Variants in RAB3C observed in about 807,000 individuals in gnomAD.
RAB3C encodes RAB3C, member RAS oncogene family.
RAB3C carries 17 observed loss-of-function variants against 26.4 expected under a neutral mutation model. The ratio of observed to expected loss-of-function variants is 0.64; its 90% CI spans 0.44 to 0.97. RAB3C has a LOEUF of 0.97. Among genes scored for constraint, RAB3C ranks in the 50% least tolerant of loss-of-function variants. RAB3C has a pLI of 0.00. For synonymous variants in RAB3C, 91 were observed against 95.9 expected (o/e 0.95, Z 0.30); for missense variants, 242 against 281.9 (o/e 0.86, Z 1.01).
At chr5:58,661,981 C>G (rs1029728172) in intron 2 of RAB3C, among the ~76,000 whole-genome samples, 2 of 150,062 alleles carry the variant, frequency 1.3e-5, no homozygotes, top group African/African-American at 5.1e-5. Flanking sequence ...CTTAATCCTT[C>G]TCACTGCTCA....
Position 58,857,731 on chromosome 5 carries a change from T to C in RAB3C, c.*6380T>C, listed in dbSNP as rs1211836437. 1.3e-5 allele frequency: 2 copies of C among 152,204 alleles called. No individual in the cohort carries two copies. The highest frequency in any genetic ancestry group is 4.8e-5 in the African/African-American group (2 of 41,458). The allele number at this position is 152,204 out of a possible 1,614,324, so 9.4% of individuals were successfully genotyped here. ...TTCTCAGTTGTCCACACTGGTGATATAAGAGGAACAAATCAGAATCATTAA... is the reference window on the plus strand; with the variant it reads ...TTCTCAGTTGTCCACACTGGTGATACAAGAGGAACAAATCAGAATCATTAA... On this transcript the variant is annotated 3_prime_UTR_variant, in exon 5 of 5. Coordinates refer to ENST00000282878, the MANE Select transcript of RAB3C (RefSeq NM_138453.4).
At chr5:58,624,563 C>T (rs1747013172) in intron 2 of RAB3C, among the ~76,000 whole-genome samples, 1 of 152,148 alleles carries the variant, frequency 6.6e-6, no homozygotes, top group South Asian at 2.1e-4. Context: ...CTAAAGCCCA[C>T]TTGGAAGGTA....
chr5:58,656,002 G>A lies in RAB3C; in HGVS notation c.252+38132G>A, dbSNP rs557239777. Among the ~76,000 whole-genome samples, 6 of 151,838 alleles carry A rather than the reference G, an allele frequency of 4.0e-5. No homozygotes were observed. In the East Asian group the frequency reaches 7.8e-4, roughly 20 times the overall value. Reference sequence around the variant, plus strand: ...TTAGTAGAGACGGGGTTTCACCGTGGTCTCGATCTCCTGACCTCGTGATCC... The same window carrying A: ...TTAGTAGAGACGGGGTTTCACCGTGATCTCGATCTCCTGACCTCGTGATCC... On this transcript the variant is annotated intron_variant, in intron 2 of 4. Coordinates refer to ENST00000282878, the MANE Select transcript of RAB3C (RefSeq NM_138453.4).
At chr5:58,689,817 C>G (rs1420848238) in intron 2 of RAB3C, among the ~76,000 whole-genome samples, 1 of 152,112 alleles carries the variant, frequency 6.6e-6, no homozygotes, top group Non-Finnish European at 1.5e-5. Context: ...TGCAACTCTT[C>G]TCCTTGTTCA....
intron 3 of RAB3C, 100 bp from the exon 4 acceptor site, chr5:58,824,938 C>A: frequency 5.1e-6 from 4 of 784,506 alleles, no homozygotes; most frequent in East Asian, 2.9e-5. Context: ...TTTTTTTTTC[C>A]TTTTGCTACC....
intron 2 of RAB3C, among the ~76,000 whole-genome samples, chr5:58,668,154 T>C (rs1748038859): frequency 6.6e-6 from 1 of 152,194 alleles, no homozygotes; most frequent in South Asian, 2.1e-4. Flanking sequence ...CTGGACAGTT[T>C]CATTATTTTT....
At chr5:58,680,642 A>G (rs983514285) in intron 2 of RAB3C, among the ~76,000 whole-genome samples, 2 of 152,170 alleles carry the variant, frequency 1.3e-5, no homozygotes, top group African/African-American at 4.8e-5. Context: ...AGGATCTAGA[A>G]GTGGACAGGT....
chr5:58,635,946 G>T (rs1747281557), intron 2 of RAB3C, among the ~76,000 whole-genome samples: 1 of 152,142 alleles, frequency 6.6e-6, no homozygotes, highest in African/African-American at 2.4e-5. Flanking sequence ...GTAGAGAAAA[G>T]AACACATTGA....
intron 4 of RAB3C, among the ~76,000 whole-genome samples, chr5:58,836,294 T>C (rs947909065): frequency 6.6e-6 from 1 of 152,168 alleles, no homozygotes; most frequent in Non-Finnish European, 1.5e-5. Flanking sequence ...ATGTTTCATA[T>C]TCATAGAATA....
At chr5:58,677,559 T>C (rs534223728) in intron 2 of RAB3C, among the ~76,000 whole-genome samples, 62 of 152,244 alleles carry the variant, frequency 4.1e-4, no homozygotes, top group Admixed American at 1.2e-3. Context: ...TTATCCATTA[T>C]ATTATTCTCT....
chr5:58,740,019 T>G (rs761141726), intron 3 of RAB3C, among the ~76,000 whole-genome samples: 69 of 152,218 alleles, frequency 4.5e-4, no homozygotes, highest in Non-Finnish European at 7.1e-4. Flanking sequence ...TAATTAAGAC[T>G]TTTTTGGGCT....
chr5:58,844,304 T>C (rs1423363), intron 4 of RAB3C, among the ~76,000 whole-genome samples: 127,481 of 152,176 alleles, frequency 0.84, 54,116 homozygotes, highest in Middle Eastern at 0.93. Flanking sequence ...CTAACAGAAG[T>C]AGGAAAATGC....
At chr5:58,734,010 T>C (rs1485770237) in intron 3 of RAB3C, among the ~76,000 whole-genome samples, 1 of 152,188 alleles carries the variant, frequency 6.6e-6, no homozygotes, top group Non-Finnish European at 1.5e-5. Flanking sequence ...AATGAGGAAC[T>C]ATAAATATAG....
intron 3 of RAB3C, among the ~76,000 whole-genome samples, chr5:58,733,737 A>T (rs1024544152): frequency 1.3e-5 from 2 of 152,188 alleles, no homozygotes; most frequent in African/African-American, 4.8e-5. Context: ...GTGTTTCTCA[A>T]ATGGGTTGTG....
In RAB3C at chr5:58,672,085, A is replaced by G. The variant is rs570715735; in HGVS notation, c.253-53917A>G. Among the ~76,000 whole-genome samples, 173 of 152,320 alleles carry G rather than the reference A, an allele frequency of 1.1e-3. 1 individual carries two copies. The highest frequency in any genetic ancestry group is 3.1e-3 in the South Asian group (15 of 4,824). On this transcript the variant is annotated intron_variant, in intron 2 of 4. Coordinates refer to ENST00000282878, the MANE Select transcript of RAB3C (RefSeq NM_138453.4). ...AAATATACTTTTAAGATGTCTCACT[A>G]TAGAGCTTTCAAGAGGGGTTACTAA...
At chr5:58,660,763 A>G (rs1194533263) in intron 2 of RAB3C, among the ~76,000 whole-genome samples, 5 of 150,418 alleles carry the variant, frequency 3.3e-5, no homozygotes, top group East Asian at 3.9e-4. Context: ...GGCTACTTCC[A>G]TCTTTCAAGT....
intron 4 of RAB3C, among the ~76,000 whole-genome samples, chr5:58,827,302 A>G (rs1001560960): frequency 6.6e-6 from 1 of 152,230 alleles, no homozygotes; most frequent in Admixed American, 6.5e-5. Flanking sequence ...AGCTGGGCAC[A>G]TGCCAGGATG....
intron 3 of RAB3C, among the ~76,000 whole-genome samples, chr5:58,774,583 C>A (rs1221462519): frequency 6.6e-6 from 1 of 151,856 alleles, no homozygotes; most frequent in East Asian, 1.9e-4. Context: ...ATGAGGGATA[C>A]AAATAAATGA....
intron 3 of RAB3C, among the ~76,000 whole-genome samples, chr5:58,800,031 C>A (rs770412270): frequency 6.6e-6 from 1 of 152,186 alleles, no homozygotes; most frequent in Non-Finnish European, 1.5e-5. Flanking sequence ...AATCATATAA[C>A]CTTACAGTAT....
Sources: allele counts gnomAD v4.1 joint callset (sites outside exome capture counted in the v4.1 genomes callset), GRCh38; gene constraint gnomAD v4.1.1; transcripts MANE v1.5; gene names NCBI Gene and HGNC (gene_info 2026-07-23, HGNC 2026-07-21).